CCDC171: variants seen among roughly 807,000 people sequenced by gnomAD.
The protein encoded by CCDC171 is coiled-coil domain-containing protein 171.
A neutral mutation model predicts 168.2 loss-of-function variants in CCDC171; 177 were observed. The observed-to-expected ratio is 1.05, with a 90% CI of 0.93 to 1.19. The LOEUF (loss-of-function observed/expected upper bound fraction) is 1.19, where lower values mean the gene tolerates loss of function less well. Ranked by LOEUF, CCDC171 falls within the 50% of genes most tolerant of loss-of-function variation. The pLI, the probability that CCDC171 is intolerant of heterozygous loss-of-function variation, is 0.00. For synonymous variants in CCDC171, 687 were observed against 540.8 expected (o/e 1.27, Z -3.75); for missense variants, 1,991 against 1,539.0 (o/e 1.29, Z -4.91).
chr9:15,641,790 T>G (rs566991363), intron 7 of CCDC171, among the ~76,000 whole-genome samples: 1 of 152,300 alleles, frequency 6.6e-6, no homozygotes, highest in African/African-American at 2.4e-5. Flanking sequence ...AAAAATCTCT[T>G]GGCAGTACAT....
At chr9:15,809,185 AT>A (rs2059216072) in intron 21 of CCDC171, among the ~76,000 whole-genome samples, 1 of 152,178 alleles carries the variant, frequency 6.6e-6, no homozygotes, top group South Asian at 2.1e-4. Context: ...TTGGAGTTAG[AT>A]AATAATTGTG....
At chr9:15,693,323 A>G (rs759779986) in intron 10 of CCDC171, among the ~76,000 whole-genome samples, 2 of 152,170 alleles carry the variant, frequency 1.3e-5, no homozygotes, top group Non-Finnish European at 2.9e-5. Context: ...ATATGTTTTC[A>G]TTGATGAAGG....
At chr9:15,674,408 G>T (rs926403747) in intron 9 of CCDC171, among the ~76,000 whole-genome samples, 3 of 152,056 alleles carry the variant, frequency 2.0e-5, no homozygotes, top group Non-Finnish European at 4.4e-5. Flanking sequence ...GCTAGCTTTT[G>T]AATTTGATTG....
chr9:15,664,643 A>T (rs535284767), intron 8 of CCDC171, among the ~76,000 whole-genome samples: 2 of 150,402 alleles, frequency 1.3e-5, no homozygotes, highest in East Asian at 3.9e-4. Flanking sequence ...ATTTTGTTGG[A>T]ATCTCTTGTT....
intron 21 of CCDC171, among the ~76,000 whole-genome samples, chr9:15,791,059 A>T (rs1053528137): frequency 3.9e-5 from 6 of 152,192 alleles, no homozygotes; most frequent in African/African-American, 1.4e-4. Context: ...CTTTTTGCTT[A>T]GGATTGTCTT....
intron 1 of CCDC171, among the ~76,000 whole-genome samples, chr9:16,051,467 T>C (rs1054155919): frequency 6.6e-6 from 1 of 152,210 alleles, no homozygotes; most frequent in South Asian, 2.1e-4. Context: ...GTTCTGTTTT[T>C]AGAGAGCTGT....
intron 9 of CCDC171, among the ~76,000 whole-genome samples, chr9:15,672,710 A>G (rs1221541123): frequency 2.0e-5 from 3 of 152,118 alleles, no homozygotes; most frequent in African/African-American, 4.8e-5. Flanking sequence ...ATTGGTCTAT[A>G]TATCTGTTTT....
intron 3 of CCDC171, among the ~76,000 whole-genome samples, chr9:15,995,848 C>T (rs998634153): frequency 1.3e-5 from 2 of 152,148 alleles, no homozygotes; most frequent in African/African-American, 2.4e-5. Context: ...ATCAACATAC[C>T]ATTAATTGTC....
Position 15,578,966 on chromosome 9 carries a change from A to T in CCDC171, c.295A>T (p.Arg99Ter). 1 of 1,614,122 alleles carries T rather than the reference A, an allele frequency of 6.2e-7. No homozygotes were observed. The highest frequency in any genetic ancestry group is 1.1e-5 in the South Asian group (1 of 91,070). Residue 99 changes from arginine to a stop codon, truncating the protein, a stop_gained, in exon 4 of 26, where the codon AGA becomes TGA. Coordinates refer to ENST00000380701, the MANE Select transcript of CCDC171 (RefSeq NM_173550.4). LOFTEE classifies it high-confidence loss of function. ...AVARKEAGLG[R>*]RAAEERLAEA... The stretch of plus-strand genomic sequence containing the variant: ...TGCTAGAAAGGAAGCTGGTCTTGGA[A>T]GACGGGCTGCTGAAGAAAGATTAGC...
intron 8 of CCDC171, among the ~76,000 whole-genome samples, chr9:15,664,941 T>C (rs930750770): frequency 3.9e-5 from 6 of 152,220 alleles, no homozygotes; most frequent in African/African-American, 1.4e-4. Context: ...TCAGGTGATT[T>C]GCCCACCTTG....
intron 7 of CCDC171, among the ~76,000 whole-genome samples, chr9:15,645,436 A>C (rs1006397548): frequency 1.3e-5 from 2 of 152,232 alleles, no homozygotes; most frequent in Non-Finnish European, 2.9e-5. Flanking sequence ...GATCGGTAAT[A>C]ACAAACTGCT....
At position 15,553,322 on chromosome 9, in the gene CCDC171, G is replaced by T. The variant is rs930628894; in HGVS notation, c.-112+20G>T. ...CCTGAGGTAACCGCACGGTGTGGGG[G>T]CTTCGAGGCGGACGACTTGGGAGGG... On this transcript the variant is annotated intron_variant, in intron 1 of 25. Coordinates refer to ENST00000380701, the MANE Select transcript of CCDC171 (RefSeq NM_173550.4). The T allele has an allele frequency of 3.3e-5, 5 of 152,574 alleles. No homozygotes were observed. Among genetic ancestry groups the T allele is most frequent in the African/African-American group, 9.7e-5 (4 of 41,448 alleles). The allele number at this position is 152,574 out of a possible 1,614,324, so 9.5% of individuals were successfully genotyped here. A position where few individuals can be genotyped will look rare whatever the true frequency, so the allele number is the denominator to read the frequency against.
At chr9:15,674,148 T>C (rs542290871) in intron 9 of CCDC171, among the ~76,000 whole-genome samples, 2 of 151,916 alleles carry the variant, frequency 1.3e-5, no homozygotes, top group Admixed American at 1.3e-4. Flanking sequence ...GAGGTGTTTA[T>C]AGGTGTTTAT....
chr9:15,841,366 A>G (rs941621755), intron 21 of CCDC171, among the ~76,000 whole-genome samples: 4 of 152,088 alleles, frequency 2.6e-5, no homozygotes, highest in Admixed American at 2.6e-4. Flanking sequence ...CGTTACATGT[A>G]GAAGTGTAAT....
chr9:15,799,135 C>CGTATATATAT (rs1219901241), intron 21 of CCDC171, among the ~76,000 whole-genome samples: 3 of 109,024 alleles, frequency 2.8e-5, no homozygotes, highest in African/African-American at 1.0e-4. Flanking sequence ...TCATCATTGC[C>CGTATATATAT]ATATATATAT....
At chr9:15,834,348 A>T (rs2060352172) in intron 21 of CCDC171, among the ~76,000 whole-genome samples, 1 of 152,170 alleles carries the variant, frequency 6.6e-6, no homozygotes, top group African/African-American at 2.4e-5. Flanking sequence ...TGTTTAATTC[A>T]TTTTAGAGGT....
intron 16 of CCDC171, among the ~76,000 whole-genome samples, chr9:15,743,405 C>T (rs958417109): frequency 6.6e-6 from 1 of 151,952 alleles, no homozygotes; most frequent in African/African-American, 2.4e-5. Context: ...CTCTTGAGCT[C>T]AAGCAATCCT....
At chr9:15,764,758 A>G (rs905382420) in intron 18 of CCDC171, among the ~76,000 whole-genome samples, 12 of 152,204 alleles carry the variant, frequency 7.9e-5, no homozygotes, top group East Asian at 1.9e-4. Flanking sequence ...AAGTCATGCT[A>G]TTGGATGAAG....
chr9:15,610,952 C>G (rs951785775), intron 6 of CCDC171, among the ~76,000 whole-genome samples: 31 of 152,178 alleles, frequency 2.0e-4, no homozygotes, highest in Middle Eastern at 6.8e-3. Flanking sequence ...TGTCTCTGCC[C>G]AAATCTCATA....
Sources: allele counts gnomAD v4.1 joint callset (sites outside exome capture counted in the v4.1 genomes callset), GRCh38; gene constraint gnomAD v4.1.1; transcripts MANE v1.5; gene names NCBI Gene and HGNC (gene_info 2026-07-23, HGNC 2026-07-21).